XYLT1: variants seen among roughly 807,000 people sequenced by gnomAD.
XYLT1 encodes beta-D-xylosyltransferase 1.
In XYLT1, 36 loss-of-function variants were observed where a neutral mutation model predicts 91.3. The ratio of observed to expected loss-of-function variants is 0.39; its 90% confidence interval spans 0.30 to 0.52. XYLT1 has a LOEUF of 0.52. Ranked by LOEUF, XYLT1 falls within the 20% of genes least tolerant of loss-of-function variation. The pLI is 0.68. For missense variants in XYLT1, 1,242 were observed against 1,284.5 expected (o/e 0.97, Z 0.51); for synonymous variants, 588 against 532.0 (o/e 1.11, Z -1.45).
chr16:17,196,955 G>A (rs112802033), intron 5 of XYLT1, among the ~76,000 whole-genome samples: 6 of 149,526 alleles, frequency 4.0e-5, no homozygotes, highest in Non-Finnish European at 5.9e-5. Context: ...AGGCTGCAGC[G>A]AGCTAAGATC....
At chr16:17,196,259 G>A (rs1011142957) in intron 5 of XYLT1, among the ~76,000 whole-genome samples, 1 of 152,174 alleles carries the variant, frequency 6.6e-6, no homozygotes, top group South Asian at 2.1e-4. Context: ...TTCCATGCTT[G>A]TACCTTGTTT....
intron 2 of XYLT1, among the ~76,000 whole-genome samples, chr16:17,277,441 G>A (rs887814280): frequency 6.6e-6 from 1 of 152,122 alleles, no homozygotes; most frequent in Non-Finnish European, 1.5e-5. Flanking sequence ...CCAGGCTGGA[G>A]TGCAGTGGCG....
At chr16:17,426,539 G>C (rs1377116582) in intron 1 of XYLT1, among the ~76,000 whole-genome samples, 2 of 152,082 alleles carry the variant, frequency 1.3e-5, no homozygotes, top group Non-Finnish European at 2.9e-5. Context: ...GTGTGAGTGA[G>C]ACTCCATCTC....
intron 11 of XYLT1, among the ~76,000 whole-genome samples, chr16:17,114,510 T>C (rs1567277478): frequency 6.6e-6 from 1 of 152,172 alleles, no homozygotes; most frequent in Non-Finnish European, 1.5e-5. Flanking sequence ...CCCATGTATT[T>C]TGCTGTCACA....
chr16:17,205,048 CAG>C (rs2141593590), intron 3 of XYLT1, among the ~76,000 whole-genome samples: 1 of 147,730 alleles, frequency 6.8e-6, no homozygotes, highest in East Asian at 2.0e-4. Context: ...GTGGAAAAAT[CAG>C]AGTGATTAGA....
chr16:17,258,911 G>C, intron 3 of XYLT1, 77 bp downstream of exon 3: 1 of 1,425,542 alleles, frequency 7.0e-7, no homozygotes, highest in Non-Finnish European at 9.2e-7. Context: ...GGTCTGAGAA[G>C]GTGAGCAGAA....
At chr16:17,200,241 C>G (rs1037897996) in intron 4 of XYLT1, among the ~76,000 whole-genome samples, 1 of 151,876 alleles carries the variant, frequency 6.6e-6, no homozygotes, top group Non-Finnish European at 1.5e-5. Context: ...AAAAAACCCC[C>G]CAAAAACAGC....
intron 2 of XYLT1, among the ~76,000 whole-genome samples, chr16:17,297,129 T>C (rs748787999): frequency 6.6e-5 from 10 of 152,214 alleles, no homozygotes; most frequent in Non-Finnish European, 1.5e-4. Context: ...ATGAAAATGC[T>C]GAGGTCTCAA....
intron 2 of XYLT1, among the ~76,000 whole-genome samples, chr16:17,340,934 T>G (rs913629693): frequency 1.3e-5 from 2 of 152,270 alleles, no homozygotes; most frequent in East Asian, 3.9e-4. Flanking sequence ...TCCACTCATA[T>G]CTAAAATTCA....
At chr16:17,232,234 TTATATGTAA>T (rs1261662989) in intron 3 of XYLT1, among the ~76,000 whole-genome samples, 1 of 98,716 alleles carries the variant, frequency 1.0e-5, no homozygotes, top group East Asian at 2.5e-4. Flanking sequence ...TCATATTTGA[TTATATGTAA>T]TATATTATAT....
At chr16:17,411,566 C>T (rs1047558906) in intron 1 of XYLT1, among the ~76,000 whole-genome samples, 1 of 152,134 alleles carries the variant, frequency 6.6e-6, no homozygotes, top group Non-Finnish European at 1.5e-5. Context: ...ACAATGGGGC[C>T]TCATAACAAT....
At chr16:17,163,012 T>A (rs898472276) in intron 5 of XYLT1, among the ~76,000 whole-genome samples, 11 of 152,244 alleles carry the variant, frequency 7.2e-5, no homozygotes, top group African/African-American at 2.4e-4. Flanking sequence ...AGTAATCCCC[T>A]GATAAATGTC....
intron 2 of XYLT1, among the ~76,000 whole-genome samples, chr16:17,277,866 T>C (rs2034001649): frequency 6.6e-6 from 1 of 152,286 alleles, no homozygotes; most frequent in Admixed American, 6.5e-5. Context: ...TACCCACTGT[T>C]CCCAGATGTG....
In XYLT1 at chr16:17,123,403, C is replaced by T. The variant is rs76124465; in HGVS notation, c.2223+4263G>A. 6.4e-3 allele frequency among the ~76,000 whole-genome samples: 970 copies of T among 152,258 alleles called. 37 individuals carry two copies. The East Asian group carries it at 0.075, about 12-fold the overall frequency. On this transcript the variant is annotated intron_variant, in intron 10 of 11. Coordinates refer to ENST00000261381, the MANE Select transcript of XYLT1 (RefSeq NM_022166.4). ...GGCATTTAATGCTATGAACTTTGCA[C>T]TTAGCACTGGCTTTGCTGTATCCCA...
At chr16:17,398,819 C>CCT (rs1555454011) in intron 1 of XYLT1, among the ~76,000 whole-genome samples, 1 of 17,936 alleles carries the variant, frequency 5.6e-5, no homozygotes, top group African/African-American at 3.9e-4. Context: ...AATGTCCCCG[C>CCT]CCCCCCCCAC....
intron 11 of XYLT1, among the ~76,000 whole-genome samples, chr16:17,110,976 A>AT (rs1303830797): frequency 2.0e-5 from 3 of 152,140 alleles, no homozygotes; most frequent in Non-Finnish European, 4.4e-5. Context: ...CCTGGCCAAC[A>AT]TGGTGAAACC....
chr16:17,395,532 T>C lies in XYLT1; in HGVS notation c.364-37482A>G, dbSNP rs149254799. 1.0e-3 allele frequency among the ~76,000 whole-genome samples: 158 copies of C among 152,180 alleles called. 1 individual carries two copies. The highest frequency in any genetic ancestry group is 3.7e-3 in the African/African-American group (153 of 41,534). Reference sequence around the variant, plus strand: ...CTCTAAAAAAATAAAAATAATCACATAAAACAAAGCATATGTCACAAGTGC... The same window carrying C: ...CTCTAAAAAAATAAAAATAATCACACAAAACAAAGCATATGTCACAAGTGC... On this transcript the variant is annotated intron_variant, in intron 1 of 11. Transcript: ENST00000261381.
chr16:17,390,962 T>G (rs2035811192), intron 1 of XYLT1, among the ~76,000 whole-genome samples: 1 of 152,086 alleles, frequency 6.6e-6, no homozygotes, highest in South Asian at 2.1e-4. Context: ...CGCTTGAACC[T>G]GGGAGATAGA....
chr16:17,141,124 T>A, intron 7 of XYLT1, 29 bp downstream of exon 7: 1 of 1,607,812 alleles, frequency 6.2e-7, no homozygotes, highest in Non-Finnish European at 8.5e-7. Context: ...GCCCCTATCT[T>A]TCTTGGGAAA....
Sources: allele counts gnomAD v4.1 joint callset (sites outside exome capture counted in the v4.1 genomes callset), GRCh38; gene constraint gnomAD v4.1.1; transcripts MANE v1.5; gene names NCBI Gene and HGNC (gene_info 2026-07-23, HGNC 2026-07-21).